Variants in LYRM1 observed in about 807,000 individuals in gnomAD.
LYRM1 encodes the protein LYR motif-containing protein 1.
A neutral mutation model predicts 14.9 loss-of-function variants in LYRM1; 14 were observed. The ratio of observed to expected loss-of-function variants is 0.94; its 90% CI spans 0.62 to 1.47. The LOEUF is 1.47. LYRM1 is among the 40% of genes most tolerant of loss of function. LYRM1 has a pLI of 0.00. For synonymous variants in LYRM1, 43 were observed against 56.2 expected, an observed-to-expected ratio of 0.77 and a Z score of 1.05; for missense variants, 153 against 149.9, an observed-to-expected ratio of 1.02 and a Z score of -0.11.
intron 1 of LYRM1, among the ~76,000 whole-genome samples, chr16:20,907,800 C>T (rs2082394775): frequency 6.6e-6 from 1 of 152,154 alleles, no homozygotes; most frequent in African/African-American, 2.4e-5. Context: ...ATGTCACTGA[C>T]CACCCAGAAA....
chr16:20,905,866 A>C (rs2082294629), intron 1 of LYRM1, among the ~76,000 whole-genome samples: 2 of 152,184 alleles, frequency 1.3e-5, no homozygotes, highest in African/African-American at 4.8e-5. Flanking sequence ...GCATCCTAGT[A>C]AGGGTTAATT....
intron 1 of LYRM1, among the ~76,000 whole-genome samples, chr16:20,902,203 G>A (rs2082099090): frequency 6.6e-6 from 1 of 152,202 alleles, no homozygotes; most frequent in East Asian, 1.9e-4. Context: ...ACTTGCTGGG[G>A]AATTGGATGT....
intron 3 of LYRM1, chr16:20,921,979 G>T (rs1372718221): frequency 6.7e-6 from 1 of 150,330 alleles, no homozygotes; most frequent in Non-Finnish European, 1.5e-5. Flanking sequence ...ATCTTTGTAT[G>T]TAGCTCTCCC....
intron 3 of LYRM1, among the ~76,000 whole-genome samples, chr16:20,923,108 T>A (rs1476090021): frequency 6.6e-6 from 1 of 152,180 alleles, no homozygotes; most frequent in African/African-American, 2.4e-5. Context: ...CTAAGTCCAC[T>A]GATTCAAATG....
chr16:20,903,137 A>C (rs2082150104), intron 1 of LYRM1, among the ~76,000 whole-genome samples: 1 of 152,352 alleles, frequency 6.6e-6, no homozygotes, highest in East Asian at 1.9e-4. Context: ...GCCTGCAAAC[A>C]TATTGTTCAG....
chr16:20,923,701 T>C (rs1306035613), intron 3 of LYRM1, among the ~76,000 whole-genome samples: 4 of 152,140 alleles, frequency 2.6e-5, no homozygotes, highest in African/African-American at 4.8e-5. Context: ...GCAGGCGATA[T>C]AGCAAAGAGC....
At chr16:20,905,180 C>T (rs560958027) in intron 1 of LYRM1, among the ~76,000 whole-genome samples, 3 of 152,216 alleles carry the variant, frequency 2.0e-5, no homozygotes, top group East Asian at 1.9e-4. Context: ...GTTGTTCTTC[C>T]TCTGTTTCCT....
rs1259288292 is a variant in LYRM1 at position 20,901,431 on chromosome 16, CAG to C, written c.-1+544_-1+545del. On this transcript the variant is annotated intron_variant, in intron 1 of 3. Transcript: ENST00000567954. The surrounding 1 kb of genome is among the most constrained non-coding windows in gnomAD (Gnocchi z 4.6). ...GCCCCCCAAAGACCGGATGAGGTGA[CAG>C]AAGATGGGGGGAGGGCCCCTCGAAA... Among the ~76,000 whole-genome samples, 4 of 152,176 alleles carry C rather than the reference CAG, an allele frequency of 2.6e-5. No individual in the cohort carries two copies. The highest frequency in any genetic ancestry group is 6.5e-5 in the Admixed American group (1 of 15,280).
rs1351252707 is a variant in LYRM1 at position 20,924,803 on chromosome 16, GAAAA to G, written c.*688_*691del. The G allele has an allele frequency of 7.9e-5, 12 of 152,126 alleles. No individual in the cohort carries two copies. The highest frequency in any genetic ancestry group is 2.4e-4 in the African/African-American group (10 of 41,430). The allele number at this position is 152,126 out of a possible 1,614,324, so 9.4% of individuals were successfully genotyped here. On this transcript the variant is annotated 3_prime_UTR_variant, in exon 4 of 4. Coordinates refer to ENST00000567954, the MANE Select transcript of LYRM1 (RefSeq NM_001128302.3). The stretch of plus-strand genomic sequence containing the variant: ...ACGAGTATTTTACGTTAACATAATT[GAAAA>G]GTACAAGGTCCAAGCTGGCTTTCAA...
chr16:20,913,818 C>CT (rs923602661), intron 1 of LYRM1, among the ~76,000 whole-genome samples: 1 of 146,974 alleles, frequency 6.8e-6, no homozygotes, highest in Non-Finnish European at 1.5e-5. Context: ...TTTTTTTTTT[C>CT]TTTTTTTTGA....
At chr16:20,918,156 A>G (rs2083002253) in intron 2 of LYRM1, among the ~76,000 whole-genome samples, 1 of 152,110 alleles carries the variant, frequency 6.6e-6, no homozygotes, top group Non-Finnish European at 1.5e-5. Flanking sequence ...TGCCCAAGTA[A>G]TAACTTTGAT....
Position 20,901,684 on chromosome 16 carries a change from T to A in LYRM1, c.-1+795T>A, listed in dbSNP as rs1958322355. Among the ~76,000 whole-genome samples, 1 of 152,260 alleles carries A rather than the reference T, an allele frequency of 6.6e-6. No homozygotes were observed. The highest frequency in any genetic ancestry group is 1.5e-5 in the Non-Finnish European group (1 of 68,050). On this transcript the variant is annotated intron_variant, in intron 1 of 3. Transcript: ENST00000567954. The surrounding 1 kb of genome is among the most constrained non-coding windows in gnomAD (Gnocchi z 4.6). Reference sequence around the variant, plus strand: ...GCCCAAGGCAGGGGTTTGGCTAATGTGTACCTTAAGGGTTTTAAGAAGGGA... The same window carrying A: ...GCCCAAGGCAGGGGTTTGGCTAATGAGTACCTTAAGGGTTTTAAGAAGGGA...
intron 2 of LYRM1, among the ~76,000 whole-genome samples, chr16:20,916,275 AACT>A (rs2082892411): frequency 5.3e-5 from 8 of 152,004 alleles, no homozygotes. Context: ...GGTTTAAGGG[AACT>A]GCACACACAG....
intron 1 of LYRM1, among the ~76,000 whole-genome samples, chr16:20,904,934 C>G (rs984695817): frequency 6.6e-6 from 1 of 152,022 alleles, no homozygotes; most frequent in African/African-American, 2.4e-5. Flanking sequence ...GGTGTTGGCA[C>G]CTGCATTATA....
chr16:20,912,546 C>T (rs988956371), intron 1 of LYRM1, among the ~76,000 whole-genome samples: 12 of 151,732 alleles, frequency 7.9e-5, no homozygotes, highest in African/African-American at 2.9e-4. Context: ...GCTGGGATTA[C>T]AGGCATGAGC....
At position 20,915,566 on chromosome 16, in the gene LYRM1, C is replaced by T; in HGVS notation, c.11C>T (p.Ala4Val). ...TTGGTGGGTCTGAAGATGACAACGG[C>T]AACACGACAAGAAGTCCTTGGCCTC... MTT[A>V]TRQEVLGLYR... The change falls in exon 2 of 4, where the codon GCA (alanine) becomes GTA (valine). Residue 4 changes from alanine (A) to valine (V), a missense_variant. Ala to Val is a moderately conservative substitution (Grantham distance 64). Transcript: ENST00000567954. The T allele has an allele frequency of 1.2e-6, 2 of 1,613,736 alleles. No individual in the cohort carries two copies. The highest frequency in any genetic ancestry group is 1.7e-6 in the Non-Finnish European group (2 of 1,179,924).
At chr16:20,923,079 G>C (rs1788114904) in intron 3 of LYRM1, among the ~76,000 whole-genome samples, 1 of 152,130 alleles carries the variant, frequency 6.6e-6, no homozygotes, top group Admixed American at 6.5e-5. Context: ...ATTCACACTG[G>C]GGAGGGCCAT....
At chr16:20,905,158 A>G (rs2082259832) in intron 1 of LYRM1, among the ~76,000 whole-genome samples, 1 of 152,208 alleles carries the variant, frequency 6.6e-6, no homozygotes, top group South Asian at 2.1e-4. Flanking sequence ...TAGCATAGAT[A>G]AAAGAGACCT....
chr16:20,905,782 G>T (rs751542491), intron 1 of LYRM1, among the ~76,000 whole-genome samples: 1 of 152,196 alleles, frequency 6.6e-6, no homozygotes, highest in Non-Finnish European at 1.5e-5. Context: ...TGTTCTGGAT[G>T]AAACTGATGA....
Sources: allele counts gnomAD v4.1 joint callset (sites outside exome capture counted in the v4.1 genomes callset), GRCh38; gene constraint gnomAD v4.1.1; non-coding constraint Gnocchi (gnomAD v3.1); transcripts MANE v1.5; gene names NCBI Gene and HGNC (gene_info 2026-07-23, HGNC 2026-07-21).